The following FOCAD variants were observed in gnomAD, a reference collection of about 807,000 sequenced individuals.
FOCAD encodes focadhesin, also known as KIAA1797.
Under a neutral mutation model 225.6 loss-of-function variants are expected in FOCAD, and 198 were observed. The ratio of observed to expected loss-of-function variants is 0.88; its 90% CI spans 0.78 to 0.99. The LOEUF is 0.99. Ranked by LOEUF, FOCAD falls within the 50% of genes least tolerant of loss-of-function variation. The probability of loss-of-function intolerance (pLI) is 0.00; values close to 1 mark genes in which losing one functional copy is unlikely to be tolerated. For synonymous variants in FOCAD, 897 were observed against 755.0 expected (o/e 1.19, Z -3.08); for missense variants, 2,713 against 2,123.6 (o/e 1.28, Z -5.46).
At chr9:20,680,738 G>A (rs990545204), upstream of FOCAD, among the ~76,000 whole-genome samples, 3 of 152,204 alleles carry the variant, frequency 2.0e-5, no homozygotes, top group Middle Eastern at 3.4e-3. Context: ...AGGCCGAGGC[G>A]GGAGGATAAC....
intron 28 of FOCAD, among the ~76,000 whole-genome samples, chr9:20,941,310 G>T (rs7045808): frequency 1.3e-5 from 2 of 152,010 alleles, no homozygotes; most frequent in Non-Finnish European, 1.5e-5. Context: ...CCTCACAGCC[G>T]TAACTGTAGT....
chr9:20,869,311 T>G (rs1829559562), intron 18 of FOCAD, among the ~76,000 whole-genome samples: 1 of 152,142 alleles, frequency 6.6e-6, no homozygotes, highest in Non-Finnish European at 1.5e-5. Context: ...AATAAACTTT[T>G]GAGCCCATTG....
intron 2 of FOCAD, among the ~76,000 whole-genome samples, chr9:20,674,088 A>G (rs1209665697): frequency 6.6e-6 from 1 of 152,214 alleles, no homozygotes; most frequent in African/African-American, 2.4e-5. Context: ...ACAAGAGCCA[A>G]TTGTTAAATT....
Position 20,988,376 on chromosome 9 carries a change from A to G in FOCAD, c.4951A>G (p.Ile1651Val), listed in dbSNP as rs1458932950. The G allele has an allele frequency of 2.5e-6, 4 of 1,612,400 alleles. No homozygotes were observed. The highest frequency in any genetic ancestry group is 2.2e-5 in the East Asian group (1 of 44,732). ...MEWLLELMGY[I>V]RNVAYQSTSF... ...GTGGCTCTTGGAACTGATGGGTTATATTAGAAATGTTGCTTACCAGTCAAC... is the reference window on the plus strand; with the variant it reads ...GTGGCTCTTGGAACTGATGGGTTATGTTAGAAATGTTGCTTACCAGTCAAC... Residue 1651 changes from isoleucine to valine, a missense_variant, in exon 41 of 44, where the codon ATT becomes GTT. Transcript: ENST00000338382.
At chr9:20,948,788 T>C in intron 31 of FOCAD, 63 bp from the exon 32 acceptor site, 1 of 1,568,562 alleles carries the variant, frequency 6.4e-7, no homozygotes, top group Non-Finnish European at 8.8e-7. Flanking sequence ...TCCTCAGAAG[T>C]TTTATAGAAT....
Position 20,851,665 on chromosome 9 carries a change from C to G in FOCAD, c.1921-10913C>G, listed in dbSNP as rs139376387. On this transcript the variant is annotated intron_variant, in intron 15 of 43. Transcript: ENST00000338382. ...AATCTCAGGCTCTACTCTAGACCTA[C>G]TGAGTTAGAATCTGTAGTGTGATGA... Among the ~76,000 whole-genome samples, 147 of 151,992 alleles carry G rather than the reference C, an allele frequency of 9.7e-4. 2 individuals carry two copies. Among genetic ancestry groups the G allele is most frequent in the African/African-American group, 3.3e-3 (139 of 41,512 alleles).
At chr9:20,938,733 GAAAAGA>G (rs2132273015) in intron 28 of FOCAD, among the ~76,000 whole-genome samples, 1 of 151,644 alleles carries the variant, frequency 6.6e-6, no homozygotes, top group South Asian at 2.1e-4. Context: ...ATAAAGAAAA[GAAAAGA>G]AAGATTGTAG....
At chr9:20,724,352 T>G (rs772544976) in intron 4 of FOCAD, among the ~76,000 whole-genome samples, 24 of 152,226 alleles carry the variant, frequency 1.6e-4, no homozygotes, top group Non-Finnish European at 2.9e-4. Flanking sequence ...TAGGTGGCCA[T>G]AAATTTTTAA....
intron 35 of FOCAD, among the ~76,000 whole-genome samples, chr9:20,964,923 AG>A (rs1279646681): frequency 1.3e-5 from 2 of 152,166 alleles, no homozygotes; most frequent in African/African-American, 4.8e-5. Context: ...GGAGCAGGTT[AG>A]TGGGTCACTA....
chr9:20,979,320 T>G (rs1587772114), intron 37 of FOCAD, among the ~76,000 whole-genome samples: 3 of 152,284 alleles, frequency 2.0e-5, no homozygotes, highest in Admixed American at 2.0e-4. Context: ...CCTTTGTCCC[T>G]ATTCAGCCTT....
chr9:20,792,689 A>T (rs1820655118), intron 11 of FOCAD, among the ~76,000 whole-genome samples: 1 of 152,198 alleles, frequency 6.6e-6, no homozygotes, highest in African/African-American at 2.4e-5. Flanking sequence ...GAACAGTTGC[A>T]ATCTTCGATT....
intron 15 of FOCAD, among the ~76,000 whole-genome samples, chr9:20,854,168 C>T (rs931405691): frequency 6.6e-6 from 1 of 151,654 alleles, no homozygotes. Context: ...GTAGGCTGTT[C>T]TCAGGAATTT....
chr9:20,924,036 G>A (rs1330970412), intron 25 of FOCAD, among the ~76,000 whole-genome samples: 2 of 152,092 alleles, frequency 1.3e-5, no homozygotes, highest in African/African-American at 2.4e-5. Context: ...TACATCAATG[G>A]TAACCAATCT....
intron 21 of FOCAD, among the ~76,000 whole-genome samples, chr9:20,888,882 A>G (rs1339327381): frequency 1.3e-5 from 2 of 152,186 alleles, no homozygotes; most frequent in African/African-American, 4.8e-5. Context: ...CTCTGCAGCT[A>G]TGTAGAACTG....
chr9:20,953,866 C>T (rs1837907312), intron 35 of FOCAD, among the ~76,000 whole-genome samples: 1 of 152,008 alleles, frequency 6.6e-6, no homozygotes, highest in Admixed American at 6.6e-5. Context: ...ATAGCAAGAC[C>T]ATCCCAATTT....
At chr9:20,665,476 A>C (rs1821873467) in intron 2 of FOCAD, among the ~76,000 whole-genome samples, 1 of 152,180 alleles carries the variant, frequency 6.6e-6, no homozygotes, top group South Asian at 2.1e-4. Flanking sequence ...CAGTTCAGTC[A>C]CTTCCTCAGA....
intron 9 of FOCAD, among the ~76,000 whole-genome samples, chr9:20,780,988 C>A (rs1276159385): frequency 1.3e-5 from 2 of 152,166 alleles, no homozygotes; most frequent in South Asian, 4.1e-4. Flanking sequence ...GTGGGGAAAT[C>A]AGTTGAATAT....
At chr9:20,722,449 G>A (rs1332889145) in intron 4 of FOCAD, among the ~76,000 whole-genome samples, 1 of 152,144 alleles carries the variant, frequency 6.6e-6, no homozygotes, top group Admixed American at 6.5e-5. Context: ...CCTCTTTCCT[G>A]TCCAGACACT....
chr9:20,818,464 C>CTATATT (rs1823969035), intron 11 of FOCAD, among the ~76,000 whole-genome samples: 1 of 151,890 alleles, frequency 6.6e-6, no homozygotes, highest in South Asian at 2.1e-4. Flanking sequence ...AGACTTAATC[C>CTATATT]TATATTTTCT....
Sources: gnomAD v4.1 joint callset for allele counts (sites outside exome capture counted in the v4.1 genomes callset) on GRCh38, gnomAD v4.1.1 for gene constraint, MANE v1.5 for transcripts, NCBI Gene and HGNC (gene_info 2026-07-23, HGNC 2026-07-21) for gene names.